The following CSRP2 variants were observed in gnomAD, a reference collection of about 807,000 sequenced individuals.
The protein encoded by CSRP2 is cysteine and glycine-rich protein 2.
A neutral mutation model predicts 24.6 loss-of-function variants in CSRP2; 18 were observed. The ratio of observed to expected loss-of-function variants is 0.73; its 90% CI spans 0.51 to 1.09. The LOEUF (loss-of-function observed/expected upper bound fraction) is 1.09. CSRP2 is among the 50% of genes least tolerant of loss of function. CSRP2 has a pLI of 0.00. For synonymous variants in CSRP2, 87 were observed against 84.3 expected (o/e 1.03, Z -0.18); for missense variants, 215 against 239.4 (o/e 0.90, Z 0.67).
chr12:76,860,538 AGGCCAGCAC>A (rs1953665754), intron 3 of CSRP2, 125 bp from the exon 4 acceptor site: 1 of 1,092,324 alleles, frequency 9.2e-7, no homozygotes, highest in East Asian at 2.5e-5. Context: ...AAGCCTTTGC[AGGCCAGCAC>A]AGGGGAGGGA....
At chr12:76,866,120 T>C (rs1303743887) in intron 2 of CSRP2, 29 bp downstream of exon 2, 6 of 1,551,620 alleles carry the variant, frequency 3.9e-6, no homozygotes, top group Non-Finnish European at 5.3e-6. Context: ...ACAAATTCCG[T>C]CAAAGGTGGA....
chr12:76,864,714 A>C (rs1251418976), intron 2 of CSRP2: 2 of 152,184 alleles, frequency 1.3e-5, no homozygotes, highest in East Asian at 3.8e-4. Context: ...AAGCAGGACT[A>C]GCTGGCTGGT....
chr12:76,865,887 G>A, intron 2 of CSRP2: 1 of 463,890 alleles, frequency 2.2e-6, no homozygotes, highest in Middle Eastern at 6.0e-4. Context: ...AGTGAGGTGG[G>A]GGAGGCAGAT....
At chr12:76,872,505 C>G (rs955672551) in intron 1 of CSRP2, among the ~76,000 whole-genome samples, 2 of 152,236 alleles carry the variant, frequency 1.3e-5, no homozygotes, top group Non-Finnish European at 2.9e-5. Context: ...CCATGTGGGC[C>G]ATGCAAATGC....
rs576261391 is a variant in CSRP2 at position 76,866,359 on chromosome 12, T to C, written c.-1-98A>G. 7.0e-5 allele frequency: 55 copies of C among 785,062 alleles called. 2 individuals are homozygous for C. In the East Asian group the frequency reaches 1.5e-3, roughly 22 times the overall value. The allele number at this position is 785,062 out of a possible 1,614,324, so 48.6% of individuals were successfully genotyped here. On this transcript the variant is annotated intron_variant, in intron 1 of 5. Coordinates refer to ENST00000311083, the MANE Select transcript of CSRP2 (RefSeq NM_001321.3). ...AGGGACAGCTGCAGATTTTCGTTTCTTTATGAACCTCTCTAACCACATCTT... is the reference window on the plus strand; with the variant it reads ...AGGGACAGCTGCAGATTTTCGTTTCCTTATGAACCTCTCTAACCACATCTT...
intron 1 of CSRP2, among the ~76,000 whole-genome samples, chr12:76,877,147 C>G (rs1953860907): frequency 6.6e-6 from 1 of 152,200 alleles, no homozygotes. Flanking sequence ...AGAAGAAAAC[C>G]TAGAGACCCA....
intron 2 of CSRP2, chr12:76,864,702 G>A (rs1209305545): frequency 6.6e-6 from 1 of 151,800 alleles, no homozygotes; most frequent in East Asian, 1.9e-4. Flanking sequence ...AGGAGGGGAG[G>A]GAAGCAGGAC....
intron 1 of CSRP2, among the ~76,000 whole-genome samples, chr12:76,871,603 T>C (rs967519923): frequency 3.3e-5 from 5 of 152,020 alleles, no homozygotes; most frequent in African/African-American, 1.2e-4. Context: ...ACCCCGTCTC[T>C]ACTAAAAATA....
rs761579780 is a variant in CSRP2, at chr12:76,863,125, A to AC, written c.281+50dup. 9.6e-6 allele frequency: 15 copies of AC among 1,563,860 alleles called. No individual in the cohort carries two copies. The African/African-American group carries it at 2.0e-4, about 21-fold the overall frequency. On this transcript the variant is annotated intron_variant, in intron 3 of 5. Transcript: ENST00000311083. The stretch of plus-strand genomic sequence containing the variant: ...GCCAGGTTCCTGTTCAGCAAGCGGC[A>AC]CTAACTGTCGCAACTCATTTCTGAA...
At chr12:76,871,633 A>G (rs151174338) in intron 1 of CSRP2, among the ~76,000 whole-genome samples, 1,830 of 152,132 alleles carry the variant, frequency 0.012, 13 homozygotes, top group Middle Eastern at 0.041. Flanking sequence ...GCGCGGTGGC[A>G]GGTGCCTGTA....
intron 1 of CSRP2, among the ~76,000 whole-genome samples, chr12:76,876,637 T>G (rs1298354606): frequency 6.6e-6 from 1 of 151,960 alleles, no homozygotes; most frequent in Admixed American, 6.5e-5. Context: ...GATCCAGAGG[T>G]GTCTGGGGAT....
At position 76,863,196 on chromosome 12, in the gene CSRP2, CCT is replaced by C; in HGVS notation, c.259_260del (p.Arg87AlafsTer21). On this transcript the variant is annotated frameshift_variant, in exon 3 of 6. Coordinates refer to ENST00000311083, the MANE Select transcript of CSRP2 (RefSeq NM_001321.3). LOFTEE classifies it high-confidence loss of function. ...AGTLNMDRGERLGIKPESVQP... is the reference protein window; with the variant it reads ...AGTLNMDRGEXLGIKPESVQP... ...CTCACCTCTCTGGTTTGATGCCCAG[CCT>C]CTCGCCACGGTCCATGTTAAGCGTG... 6.2e-7 allele frequency: 1 copy of C among 1,613,504 alleles called. No individual in the cohort carries two copies. The highest frequency in any genetic ancestry group is 2.2e-5 in the East Asian group (1 of 44,866).
At chr12:76,873,055 AAAGTTT>A (rs1165309573) in intron 1 of CSRP2, among the ~76,000 whole-genome samples, 16 of 152,330 alleles carry the variant, frequency 1.1e-4, no homozygotes, top group African/African-American at 3.8e-4. Flanking sequence ...GTTACCATTT[AAAGTTT>A]AAGTTATCTG....
intron 4 of CSRP2, 59 bp downstream of exon 4, chr12:76,860,225 G>T: frequency 6.3e-7 from 1 of 1,582,130 alleles, no homozygotes; most frequent in South Asian, 1.1e-5. Context: ...GGAAGGGTTA[G>T]GGGAGAAAGG....
intron 1 of CSRP2, among the ~76,000 whole-genome samples, chr12:76,877,972 AC>A (rs1565832316): frequency 2.9e-3 from 48 of 16,586 alleles, no homozygotes; most frequent in Middle Eastern, 0.033. Flanking sequence ...CCACCCCCCC[AC>A]CCCCCAAAAA....
intron 1 of CSRP2, among the ~76,000 whole-genome samples, chr12:76,871,581 T>C (rs12814287): frequency 0.11 from 16,863 of 152,032 alleles, 1,077 homozygotes; most frequent in South Asian, 0.23. Flanking sequence ...CCATCCTGGC[T>C]AACACGGTGA....
At chr12:76,877,970 CCA>C (rs1442738982) in intron 1 of CSRP2, among the ~76,000 whole-genome samples, 94 of 118,704 alleles carry the variant, frequency 7.9e-4, no homozygotes, top group African/African-American at 2.8e-3. Context: ...CCCCACCCCC[CCA>C]CCCCCCAAAA....
chr12:76,865,255 C>T (rs888820066), intron 2 of CSRP2, among the ~76,000 whole-genome samples: 1 of 152,152 alleles, frequency 6.6e-6, no homozygotes, highest in South Asian at 2.1e-4. Flanking sequence ...TGTTTCCATA[C>T]TTTCTTGGTT....
chr12:76,863,300 C>A lies in CSRP2; in HGVS notation c.157G>T (p.Asp53Tyr), dbSNP rs745794759. 1.9e-6 allele frequency: 3 copies of A among 1,614,202 alleles called. No homozygotes were observed. The highest frequency in any genetic ancestry group is 2.5e-6 in the Non-Finnish European group (3 of 1,180,034). Residue 53 changes from aspartate to tyrosine, a missense_variant, in exon 3 of 6, where the codon GAT (aspartate) becomes TAT (tyrosine). Coordinates refer to ENST00000311083, the MANE Select transcript of CSRP2 (RefSeq NM_001321.3). Reference sequence around the variant, plus strand: ...CAGGATTTGCAGTAGATCTCTTCATCGTGAATTGCCACTGTTGTGCTATCT... The same window carrying A: ...CAGGATTTGCAGTAGATCTCTTCATAGTGAATTGCCACTGTTGTGCTATCT... ...NLDSTTVAIHDEEIYCKSCYG... is the reference protein window; with the variant it reads ...NLDSTTVAIHYEEIYCKSCYG...
Sources: gnomAD v4.1 joint callset for allele counts (sites outside exome capture counted in the v4.1 genomes callset) on GRCh38, gnomAD v4.1.1 for gene constraint, MANE v1.5 for transcripts, NCBI Gene and HGNC (gene_info 2026-07-23, HGNC 2026-07-21) for gene names.